Variants in PLXDC2 observed in about 807,000 individuals in gnomAD.
PLXDC2 encodes plexin domain-containing protein 2.
In PLXDC2, 40 loss-of-function variants were observed where a neutral mutation model predicts 68.9. The ratio of observed to expected loss-of-function variants is 0.58; its 90% confidence interval spans 0.45 to 0.76. The LOEUF (loss-of-function observed/expected upper bound fraction) is 0.76, where lower values mean the gene tolerates loss of function less well. PLXDC2 is among the 30% of genes least tolerant of loss of function. The probability of loss-of-function intolerance (pLI) is 0.00; values close to 1 mark genes in which losing one functional copy is unlikely to be tolerated. For synonymous variants in PLXDC2, 243 were observed against 234.2 expected (o/e 1.04, Z -0.34); for missense variants, 644 against 661.9 (o/e 0.97, Z 0.30).
intron 4 of PLXDC2, among the ~76,000 whole-genome samples, chr10:20,107,631 T>G (rs1460209793): frequency 6.6e-6 from 1 of 152,196 alleles, no homozygotes; most frequent in Admixed American, 6.5e-5. Context: ...CTCCTAAAAT[T>G]GTTCTGGGAG....
intron 1 of PLXDC2, among the ~76,000 whole-genome samples, chr10:19,959,113 C>A (rs962442029): frequency 1.3e-5 from 2 of 152,156 alleles, no homozygotes; most frequent in Non-Finnish European, 2.9e-5. Context: ...CTTAAATGTT[C>A]ATTTTACAAA....
chr10:19,834,339 G>GAA (rs1836749391), intron 1 of PLXDC2, among the ~76,000 whole-genome samples: 1 of 146,696 alleles, frequency 6.8e-6, no homozygotes, highest in Non-Finnish European at 1.5e-5. Context: ...TAGAGAGAGA[G>GAA]AGAGAGAGAG....
intron 1 of PLXDC2, among the ~76,000 whole-genome samples, chr10:19,928,134 T>C (rs538133872): frequency 5.3e-5 from 8 of 152,360 alleles, no homozygotes; most frequent in African/African-American, 1.9e-4. Flanking sequence ...TCTATCCTTT[T>C]TATGGCTGAA....
Position 20,068,208 on chromosome 10 carries a change from CT to C in PLXDC2, c.512del (p.Phe171SerfsTer23). The C allele has an allele frequency of 6.2e-7, 1 of 1,613,438 alleles. No homozygotes were observed. The highest frequency in any genetic ancestry group is 1.7e-5 in the Admixed American group (1 of 59,804). Reference protein sequence around the residue: ...LSFDFPFYGHFLREITVATGG... With the variant: ...LSFDFPFYGHXLREITVATGG... ...CCTTCGATTTTCCATTTTATGGCCA[CT>C]TCCTACGTGAAATCACTGTGGCAAC... On this transcript the variant is annotated frameshift_variant, in exon 4 of 14. Coordinates refer to ENST00000377252, the MANE Select transcript of PLXDC2 (RefSeq NM_032812.9). LOFTEE classifies it high-confidence loss of function.
intron 13 of PLXDC2, among the ~76,000 whole-genome samples, chr10:20,255,114 C>T (rs1252325333): frequency 6.6e-6 from 1 of 151,274 alleles, no homozygotes. Flanking sequence ...CTAATTAATT[C>T]CCTAATTATT....
chr10:20,017,571 G>A (rs1048782534), intron 2 of PLXDC2, among the ~76,000 whole-genome samples: 3 of 152,114 alleles, frequency 2.0e-5, no homozygotes, highest in South Asian at 2.1e-4. Flanking sequence ...ATTTTGGATC[G>A]ATTACTCCCT....
At chr10:20,028,170 T>C (rs1325103066) in intron 2 of PLXDC2, among the ~76,000 whole-genome samples, 1 of 152,214 alleles carries the variant, frequency 6.6e-6, no homozygotes, top group Non-Finnish European at 1.5e-5. Flanking sequence ...AATTCAGCGG[T>C]TCTCAGACTG....
chr10:20,220,328 G>T (rs1835192740), intron 12 of PLXDC2, among the ~76,000 whole-genome samples: 1 of 152,078 alleles, frequency 6.6e-6, no homozygotes, highest in South Asian at 2.1e-4. Context: ...GCCCTATGTT[G>T]GGGTTACCTC....
At chr10:20,082,045 G>GGA (rs1836569074) in intron 4 of PLXDC2, among the ~76,000 whole-genome samples, 2 of 9,614 alleles carry the variant, frequency 2.1e-4, no homozygotes, top group African/African-American at 5.9e-4. Flanking sequence ...AACTCCATCT[G>GGA]AAAAAAAAAA....
chr10:20,250,681 A>G (rs540579843), intron 13 of PLXDC2, among the ~76,000 whole-genome samples: 5 of 152,322 alleles, frequency 3.3e-5, no homozygotes, highest in Middle Eastern at 3.4e-3. Context: ...TTTTCTTCAT[A>G]TGCTGTATGT....
intron 1 of PLXDC2, among the ~76,000 whole-genome samples, chr10:19,835,834 A>G (rs1364514407): frequency 6.6e-6 from 1 of 152,090 alleles, no homozygotes; most frequent in Non-Finnish European, 1.5e-5. Context: ...GATGAAGATC[A>G]GAGAAGGATG....
rs952586158 is a variant in PLXDC2 at position 20,032,531 on chromosome 10, C to T, written c.325-14338C>T. Among the ~76,000 whole-genome samples, 4 of 152,146 alleles carry T rather than the reference C, an allele frequency of 2.6e-5. No individual in the cohort carries two copies. The East Asian group carries it at 5.8e-4, about 22-fold the overall frequency. On this transcript the variant is annotated intron_variant, in intron 2 of 13. Coordinates refer to ENST00000377252, the MANE Select transcript of PLXDC2 (RefSeq NM_032812.9). ...GAGTGAGGGGAACTTATACGAGAAA[C>T]GGGGAGACCAGTGAGAGAGCTCTTA... is the stretch of plus-strand genomic sequence containing the variant.
At chr10:20,107,585 G>A (rs1172775778) in intron 4 of PLXDC2, among the ~76,000 whole-genome samples, 1 of 152,122 alleles carries the variant, frequency 6.6e-6, no homozygotes, top group Admixed American at 6.6e-5. Context: ...TAAGAGTAGT[G>A]ATTTTTACTG....
At chr10:20,013,204 C>T (rs528927438) in intron 2 of PLXDC2, among the ~76,000 whole-genome samples, 1 of 152,234 alleles carries the variant, frequency 6.6e-6, no homozygotes, top group African/African-American at 2.4e-5. Context: ...ATCTACCTAC[C>T]TGCCTACATA....
rs1373614512 is a variant in PLXDC2 at position 20,211,720 on chromosome 10, C to G, written c.1113C>G (p.Cys371Trp). 1.2e-6 allele frequency: 2 copies of G among 1,612,860 alleles called. No homozygotes were observed. The highest frequency in any genetic ancestry group is 1.3e-5 in the African/African-American group (1 of 74,958). The change falls in exon 10 of 14, where the codon TGC becomes TGG. Residue 371 changes from cysteine to tryptophan, a missense_variant. Physicochemically the swap from Cys to Trp is radical, Grantham distance 215. This residue lies in a region of PLXDC2 where 330 missense variants were observed against 327.9 expected (regional missense o/e 1.01). Coordinates refer to ENST00000377252, the MANE Select transcript of PLXDC2 (RefSeq NM_032812.9). Reference sequence around the variant, plus strand: ...GGCAGGACTGGGTGGACAGTGGATGCCCTGAAGAGGTACACATGCTTTATT... The same window carrying G: ...GGCAGGACTGGGTGGACAGTGGATGGCCTGAAGAGGTACACATGCTTTATT... The part of the protein sequence containing the change: ...RHRQDWVDSG[C>W]PEESKEKMCE...
At chr10:19,934,045 C>T (rs1833685110) in intron 1 of PLXDC2, among the ~76,000 whole-genome samples, 1 of 152,182 alleles carries the variant, frequency 6.6e-6, no homozygotes. Context: ...TAATCTCTCT[C>T]ATTCCTTACT....
chr10:20,061,378 T>A (rs888946949), intron 3 of PLXDC2, among the ~76,000 whole-genome samples: 1 of 152,196 alleles, frequency 6.6e-6, no homozygotes, highest in Admixed American at 6.5e-5. Flanking sequence ...CTACTCTTGC[T>A]TTATGATTAA....
At chr10:20,196,098 T>C (rs2131843537) in intron 9 of PLXDC2, among the ~76,000 whole-genome samples, 1 of 152,312 alleles carries the variant, frequency 6.6e-6, no homozygotes, top group South Asian at 2.1e-4. Flanking sequence ...TTATTTGTTA[T>C]GGGCTGTTTG....
At chr10:19,987,726 T>G (rs1834669808) in intron 1 of PLXDC2, among the ~76,000 whole-genome samples, 1 of 151,116 alleles carries the variant, frequency 6.6e-6, no homozygotes, top group Admixed American at 6.6e-5. Context: ...CACCCCCGGC[T>G]ATTTTTTTTT....
Sources: gnomAD v4.1 joint callset for allele counts (sites outside exome capture counted in the v4.1 genomes callset) on GRCh38, gnomAD v4.1.1 for gene constraint, gnomAD v4.1.1 regional missense constraint, MANE v1.5 for transcripts, NCBI Gene and HGNC (gene_info 2026-07-23, HGNC 2026-07-21) for gene names.